Variants in PRPF18 observed in about 807,000 individuals in gnomAD.
The protein encoded by PRPF18 is pre-mRNA processing factor 18.
A neutral mutation model predicts 46.5 loss-of-function variants in PRPF18; 38 were observed. That is an observed-to-expected ratio of 0.82 (90% CI 0.63 to 1.07). The LOEUF (loss-of-function observed/expected upper bound fraction) is 1.07. PRPF18 is among the 50% of genes least tolerant of loss of function. The pLI is 0.00. For missense variants in PRPF18, 263 were observed against 410.0 expected (o/e 0.64, Z 3.10); for synonymous variants, 152 against 146.7 (o/e 1.04, Z -0.26).
intron 6 of PRPF18, among the ~76,000 whole-genome samples, chr10:13,612,476 G>A (rs942386381): frequency 1.3e-4 from 20 of 151,432 alleles, no homozygotes; most frequent in African/African-American, 4.9e-4. Flanking sequence ...AAAGAGACAG[G>A]TTTTCACCCT....
intron 3 of PRPF18, among the ~76,000 whole-genome samples, chr10:13,602,072 T>C (rs2080119708): frequency 6.6e-6 from 1 of 152,234 alleles, no homozygotes; most frequent in South Asian, 2.1e-4. Context: ...ACAAAGAAGC[T>C]GTGCCAATTT....
intron 9 of PRPF18, among the ~76,000 whole-genome samples, chr10:13,629,271 G>A (rs1427736496): frequency 6.6e-6 from 1 of 152,190 alleles, no homozygotes; most frequent in East Asian, 1.9e-4. Context: ...CAGAACAAAA[G>A]TAGTGCAGTG....
At chr10:13,594,787 TA>T (rs1313451024) in intron 1 of PRPF18, among the ~76,000 whole-genome samples, 1 of 152,234 alleles carries the variant, frequency 6.6e-6, no homozygotes, top group Non-Finnish European at 1.5e-5. Flanking sequence ...TGGTAAATAC[TA>T]TCATTGTTTT....
the PRPF18 span, among the ~76,000 whole-genome samples, chr10:13,636,710 T>C: frequency 4.5e-4 from 69 of 152,286 alleles, no homozygotes; most frequent in African/African-American, 1.6e-3. Context: ...GAAAAGGTAA[T>C]TGTTATTAAC....
At chr10:13,649,303 T>A in the PRPF18 span, 1 of 152,228 alleles carries the variant, frequency 6.6e-6, no homozygotes, top group African/African-American at 2.4e-5. Context: ...AGGCAGTAGA[T>A]GAGGTTAAGG....
chr10:13,625,941 G>A (rs2080497097), intron 9 of PRPF18, among the ~76,000 whole-genome samples: 1 of 152,230 alleles, frequency 6.6e-6, no homozygotes, highest in Non-Finnish European at 1.5e-5. Flanking sequence ...TATCGTCATA[G>A]CTGACACTTA....
chr10:13,654,443 G>A, the PRPF18 span: 2 of 1,612,848 alleles, frequency 1.2e-6, no homozygotes, highest in Admixed American at 1.7e-5. Context: ...GATGTGGTGG[G>A]GGCTGCTTGG....
chr10:13,600,460 C>A, intron 3 of PRPF18, 112 bp downstream of exon 3: 1 of 733,244 alleles, frequency 1.4e-6, no homozygotes, highest in Non-Finnish European at 2.1e-6. Flanking sequence ...AATGACTTAT[C>A]TAAAAATGCT....
intron 5 of PRPF18, among the ~76,000 whole-genome samples, chr10:13,611,397 C>G (rs1037083158): frequency 6.6e-6 from 1 of 152,106 alleles, no homozygotes; most frequent in Non-Finnish European, 1.5e-5. Context: ...TTCATTACCC[C>G]CTCTTGACTT....
intron 6 of PRPF18, 68 bp downstream of exon 6, chr10:13,611,751 T>G (rs1430249535): frequency 2.8e-6 from 4 of 1,413,874 alleles, no homozygotes; most frequent in Non-Finnish European, 4.0e-6. Context: ...ATTTTTGGAT[T>G]ACCAAGGGTT....
chr10:13,622,830 A>C (rs2080439012), intron 9 of PRPF18, among the ~76,000 whole-genome samples: 1 of 152,174 alleles, frequency 6.6e-6, no homozygotes, highest in Non-Finnish European at 1.5e-5. Context: ...AACTGGCTGA[A>C]CCCAGATCAG....
At chr10:13,629,849 G>A (rs1226486167) in intron 9 of PRPF18, among the ~76,000 whole-genome samples, 2 of 152,174 alleles carry the variant, frequency 1.3e-5, no homozygotes, top group Admixed American at 6.5e-5. Flanking sequence ...AAGTTATCTC[G>A]TTACATACAA....
At chr10:13,588,517 A>G (rs1039737237) in intron 1 of PRPF18, among the ~76,000 whole-genome samples, 1 of 150,944 alleles carries the variant, frequency 6.6e-6, no homozygotes, top group Non-Finnish European at 1.5e-5. Context: ...TTCAGGCTGC[A>G]GTGAGCTATC....
chr10:13,631,671 C>T (rs2080590919), downstream of PRPF18: 1 of 152,162 alleles, frequency 6.6e-6, no homozygotes, highest in Admixed American at 6.5e-5. Flanking sequence ...AAAACAATAA[C>T]AGTAATAATG....
At chr10:13,607,933 C>G (rs950831855) in intron 4 of PRPF18, among the ~76,000 whole-genome samples, 3 of 152,110 alleles carry the variant, frequency 2.0e-5, no homozygotes, top group Non-Finnish European at 4.4e-5. Flanking sequence ...TGGTACAGTT[C>G]TACAAATGTC....
chr10:13,608,918 A>G (rs886581081), intron 4 of PRPF18, among the ~76,000 whole-genome samples: 3 of 152,190 alleles, frequency 2.0e-5, no homozygotes, highest in Non-Finnish European at 4.4e-5. Context: ...CATTGGTAAA[A>G]CAGAGGCAGT....
At chr10:13,640,212 C>T in the PRPF18 span, 1 of 152,298 alleles carries the variant, frequency 6.6e-6, no homozygotes, top group Non-Finnish European at 1.5e-5. Flanking sequence ...GTTCCCAGCC[C>T]TAAGCGTGGC....
intron 8 of PRPF18, among the ~76,000 whole-genome samples, chr10:13,615,602 T>A (rs890369349): frequency 3.9e-5 from 6 of 152,358 alleles, no homozygotes; most frequent in East Asian, 1.9e-4. Flanking sequence ...CTGATTTTTT[T>A]AAATTAAAAT....
At chr10:13,606,733 CAAAAAAA>C (rs34162273) in intron 4 of PRPF18, among the ~76,000 whole-genome samples, 1 of 73,010 alleles carries the variant, frequency 1.4e-5, no homozygotes, top group Non-Finnish European at 2.5e-5. Flanking sequence ...GACTCCTTCT[CAAAAAAA>C]AAAAAAAAAA....
Sources: gnomAD v4.1 joint callset for allele counts (sites outside exome capture counted in the v4.1 genomes callset) on GRCh38, gnomAD v4.1.1 for gene constraint, MANE v1.5 for transcripts, NCBI Gene and HGNC (gene_info 2026-07-23, HGNC 2026-07-21) for gene names.